PPARGC1A: variants seen among roughly 807,000 people sequenced by gnomAD.
PPARGC1A encodes peroxisome proliferator-activated receptor gamma coactivator 1-alpha.
Under a neutral mutation model 88.7 loss-of-function variants are expected in PPARGC1A, and 25 were observed. That is an observed-to-expected ratio of 0.28 (90% CI 0.21 to 0.39). PPARGC1A has a LOEUF of 0.39. PPARGC1A is among the 10% of genes least tolerant of loss of function. The pLI, the probability that PPARGC1A is intolerant of heterozygous loss-of-function variation, is 1.00. For synonymous variants in PPARGC1A, 363 were observed against 355.6 expected (o/e 1.02, Z -0.24); for missense variants, 880 against 968.7 (o/e 0.91, Z 1.22).
chr4:23,897,562 G>A (rs951234095), intron 1 of PPARGC1A, among the ~76,000 whole-genome samples: 1 of 152,174 alleles, frequency 6.6e-6, no homozygotes, highest in Non-Finnish European at 1.5e-5. Flanking sequence ...AACTCAGGAA[G>A]CCTTCTTTGC....
At chr4:24,211,106 C>T in the PPARGC1A span, among the ~76,000 whole-genome samples, 1 of 152,170 alleles carries the variant, frequency 6.6e-6, no homozygotes, top group Non-Finnish European at 1.5e-5. Flanking sequence ...CAGGCAAGAA[C>T]TTTTTCATGT....
At chr4:24,192,741 G>A in the PPARGC1A span, among the ~76,000 whole-genome samples, 2 of 152,152 alleles carry the variant, frequency 1.3e-5, no homozygotes, top group Non-Finnish European at 2.9e-5. Flanking sequence ...GACATTAAGA[G>A]TAATCAGTGA....
the PPARGC1A span, among the ~76,000 whole-genome samples, chr4:24,328,962 T>C: frequency 1.3e-5 from 2 of 152,224 alleles, no homozygotes; most frequent in Non-Finnish European, 2.9e-5. Flanking sequence ...CCGTTGAACC[T>C]TCCACAGTTC....
the PPARGC1A span, among the ~76,000 whole-genome samples, chr4:24,223,708 T>C: frequency 6.6e-6 from 1 of 152,146 alleles, no homozygotes; most frequent in African/African-American, 2.4e-5. Context: ...GAAAATGCAA[T>C]AGTATGCCAT....
upstream of PPARGC1A, among the ~76,000 whole-genome samples, chr4:23,892,204 T>G (rs2148859687): frequency 6.6e-6 from 1 of 152,332 alleles, no homozygotes; most frequent in East Asian, 1.9e-4. Flanking sequence ...TCTTATTTTT[T>G]GCCATCTAAT....
chr4:23,854,818 T>C (rs952242946), intron 2 of PPARGC1A, among the ~76,000 whole-genome samples: 5 of 151,984 alleles, frequency 3.3e-5, no homozygotes, highest in Admixed American at 2.6e-4. Flanking sequence ...GATGGATGAA[T>C]GAGAAGCTAT....
the PPARGC1A span, among the ~76,000 whole-genome samples, chr4:24,453,622 A>C: frequency 6.6e-6 from 1 of 152,190 alleles, no homozygotes; most frequent in African/African-American, 2.4e-5. Flanking sequence ...TCTACTAAAT[A>C]CAAAAAAATT....
At chr4:24,153,420 A>C in the PPARGC1A span, among the ~76,000 whole-genome samples, 1 of 152,114 alleles carries the variant, frequency 6.6e-6, no homozygotes, top group African/African-American at 2.4e-5. Flanking sequence ...AACAAAAATG[A>C]AATTAAATAG....
At chr4:24,371,092 C>G in the PPARGC1A span, among the ~76,000 whole-genome samples, 1 of 152,066 alleles carries the variant, frequency 6.6e-6, no homozygotes, top group Non-Finnish European at 1.5e-5. Context: ...CATCTATGTC[C>G]CCCACAAAGG....
chr4:23,966,931 G>C, the PPARGC1A span, among the ~76,000 whole-genome samples: 1 of 152,148 alleles, frequency 6.6e-6, no homozygotes, highest in Non-Finnish European at 1.5e-5. Context: ...GTTGGTGTGA[G>C]GCCATGCATC....
At chr4:23,898,461 G>T (rs1439640155) in intron 1 of PPARGC1A, among the ~76,000 whole-genome samples, 1 of 152,212 alleles carries the variant, frequency 6.6e-6, no homozygotes, top group Non-Finnish European at 1.5e-5. Flanking sequence ...AGGGAGCACT[G>T]ACAACATAGG....
intron 2 of PPARGC1A, among the ~76,000 whole-genome samples, chr4:23,863,305 C>T (rs1446829831): frequency 6.6e-6 from 1 of 152,138 alleles, no homozygotes; most frequent in South Asian, 2.1e-4. Flanking sequence ...CACCAGATAA[C>T]TTTTAAGAGT....
At chr4:23,945,572 GC>G in the PPARGC1A span, among the ~76,000 whole-genome samples, 1 of 152,110 alleles carries the variant, frequency 6.6e-6, no homozygotes, top group Non-Finnish European at 1.5e-5. Flanking sequence ...AAAGAATAAG[GC>G]TCTGAGATGA....
the PPARGC1A span, among the ~76,000 whole-genome samples, chr4:24,392,718 C>T: frequency 6.6e-6 from 1 of 152,094 alleles, no homozygotes; most frequent in African/African-American, 2.4e-5. Flanking sequence ...TTCTGGAAGA[C>T]AACATGGGTA....
chr4:23,891,314 C>A (rs752769794), upstream of PPARGC1A, among the ~76,000 whole-genome samples: 3 of 152,026 alleles, frequency 2.0e-5, no homozygotes, highest in African/African-American at 7.2e-5. Context: ...ATGTTAAACC[C>A]AATATACTTT....
At chr4:24,066,640 G>A in the PPARGC1A span, among the ~76,000 whole-genome samples, 1 of 152,108 alleles carries the variant, frequency 6.6e-6, no homozygotes, top group African/African-American at 2.4e-5. Context: ...GGCTCCGATA[G>A]GGGAAAAGGT....
chr4:24,399,547 A>G, the PPARGC1A span, among the ~76,000 whole-genome samples: 1 of 152,316 alleles, frequency 6.6e-6, no homozygotes, highest in African/African-American at 2.4e-5. Flanking sequence ...ATTTATCACC[A>G]CAGCAAAAGG....
the PPARGC1A span, among the ~76,000 whole-genome samples, chr4:24,134,171 T>C: frequency 4.6e-5 from 7 of 152,220 alleles, no homozygotes; most frequent in Non-Finnish European, 1.0e-4. Context: ...TGCACCATTT[T>C]GCTTTTCATT....
the PPARGC1A span, among the ~76,000 whole-genome samples, chr4:24,229,170 T>TTTTTTTTTTTTTTTTTTTTTC: frequency 7.0e-6 from 1 of 142,582 alleles, no homozygotes; most frequent in Non-Finnish European, 1.5e-5. Flanking sequence ...TTTTTTTTTT[T>TTTTTTTTTTTTTTTTTTTTTC]TGAGATGGAG....
Sources: gnomAD v4.1 joint callset for allele counts (sites outside exome capture counted in the v4.1 genomes callset) on GRCh38, gnomAD v4.1.1 for gene constraint, MANE v1.5 for transcripts, NCBI Gene and HGNC (gene_info 2026-07-23, HGNC 2026-07-21) for gene names.